Variants in PFKFB1 observed in about 807,000 individuals in gnomAD.
PFKFB1 encodes 6-phosphofructo-2-kinase/fructose-2,6-bisphosphatase 1.
A neutral mutation model predicts 46.4 loss-of-function variants in PFKFB1; 34 were observed. That is an observed-to-expected ratio of 0.73 (90% confidence interval 0.56 to 0.98). The LOEUF is 0.98. Among genes scored for constraint, PFKFB1 ranks in the 50% least tolerant of loss-of-function variants. The pLI is 0.00. For missense variants in PFKFB1, 393 were observed against 376.3 expected (o/e 1.04, Z -0.37); for synonymous variants, 119 against 133.8 (o/e 0.89, Z 0.76).
intron 1 of PFKFB1, among the ~76,000 whole-genome samples, chrX:54,987,976 G>A (rs1935148372): frequency 9.0e-6 from 1 of 111,256 alleles, no homozygotes; most frequent in Non-Finnish European, 1.9e-5. Flanking sequence ...CATTCTAGTA[G>A]AGGTTATAGC....
chrX:54,998,493 G>A (rs1195674335), upstream of PFKFB1: 5 of 1,030,540 alleles, frequency 4.9e-6, no homozygotes, highest in Non-Finnish European at 6.6e-6. Flanking sequence ...AGGTCCAGTG[G>A]GTGGCATCAA....
At chrX:54,948,974 T>A in intron 9 of PFKFB1, 101 bp downstream of exon 9, 1 of 954,771 alleles carries the variant, frequency 1.0e-6, no homozygotes, top group Non-Finnish European at 1.5e-6. Context: ...GTTTGTTGAA[T>A]TAATTAGGCT....
intron 7 of PFKFB1, among the ~76,000 whole-genome samples, 180 bp from the exon 8 acceptor site, chrX:54,952,292 C>T (rs1934010145): frequency 8.9e-6 from 1 of 111,808 alleles, no homozygotes; most frequent in Non-Finnish European, 1.9e-5. Flanking sequence ...GGTTATTGGC[C>T]ACCCAAAGGA....
At chrX:54,998,598 T>A (rs1935389557), upstream of PFKFB1, 1 of 444,502 alleles carries the variant, frequency 2.2e-6, no homozygotes, top group Admixed American at 3.8e-5. Flanking sequence ...AAATATCAGC[T>A]GTTGTAGTTG....
intron 1 of PFKFB1, among the ~76,000 whole-genome samples, chrX:54,991,539 CTGTGTGTGTG>C (rs59214352): frequency 1.6e-5 from 1 of 61,870 alleles, no homozygotes; most frequent in Non-Finnish European, 3.6e-5. Context: ...CTCTCTCTCT[CTGTGTGTGTG>C]TGTGTGTGTG....
At chrX:54,934,584 A>T (rs1383187182) in intron 12 of PFKFB1, among the ~76,000 whole-genome samples, 2 of 111,552 alleles carry the variant, frequency 1.8e-5, no homozygotes, top group African/African-American at 6.5e-5. Flanking sequence ...TTTCATAGCT[A>T]ATGTCCCAAG....
At chrX:54,992,306 T>G (rs762245082) in intron 1 of PFKFB1, among the ~76,000 whole-genome samples, 26 of 112,238 alleles carry the variant, frequency 2.3e-4, no homozygotes, top group Middle Eastern at 9.2e-3. Flanking sequence ...TAATTAACAA[T>G]TACTGCGTAT....
chrX:54,997,288 A>G (rs1256597183), upstream of PFKFB1, among the ~76,000 whole-genome samples: 1 of 111,926 alleles, frequency 8.9e-6, no homozygotes, highest in African/African-American at 3.3e-5. Context: ...AGAAACAGAT[A>G]AAAGAATGAA....
intron 9 of PFKFB1, among the ~76,000 whole-genome samples, chrX:54,948,473 G>T (rs1438175341): frequency 8.9e-6 from 1 of 111,734 alleles, no homozygotes; most frequent in African/African-American, 3.3e-5. Flanking sequence ...ATTGTTGTTT[G>T]GGCAGCATTT....
In PFKFB1 at chrX:54,960,874, C is replaced by A; in HGVS notation, c.267G>T (p.Lys89Asn). ...GQYRREAVSY[K>N]NYEFFLPDNM... Reference sequence around the variant, plus strand: ...TGTCTGGAAGAAAGAATTCATAGTTCTTGTAGCTCACTGCCTCTCGTCGAT... The same window carrying A: ...TGTCTGGAAGAAAGAATTCATAGTTATTGTAGCTCACTGCCTCTCGTCGAT... The change falls in exon 3 of 14, where the codon AAG becomes AAT. Residue 89 changes from lysine to asparagine, a missense_variant. By Grantham distance (94) the Lys-to-Asn change is moderately conservative. Transcript: ENST00000375006. 8.4e-7 allele frequency: 1 copy of A among 1,194,385 alleles called. No homozygotes were observed. Among genetic ancestry groups the A allele is most frequent in the Non-Finnish European group, 1.1e-6 (1 of 882,467 alleles).
upstream of PFKFB1, chrX:54,994,521 A>G: frequency 1.3e-6 from 1 of 754,448 alleles, no homozygotes; most frequent in Non-Finnish European, 1.6e-6. Context: ...TAGAATGTCA[A>G]GCTCCAACCC....
At chrX:54,993,549 A>G (rs923152941) in intron 1 of PFKFB1, among the ~76,000 whole-genome samples, 1 of 112,068 alleles carries the variant, frequency 8.9e-6, no homozygotes, top group East Asian at 2.8e-4. Flanking sequence ...GACACTTCAC[A>G]GAAGTCACCA....
chrX:54,934,900 T>C (rs1416369099), intron 12 of PFKFB1, 47 bp downstream of exon 12: 1 of 1,047,143 alleles, frequency 9.5e-7, no homozygotes, highest in East Asian at 3.0e-5. Context: ...AGGGCCATGC[T>C]CATAGCCTCT....
At chrX:54,964,299 T>A (rs1202149784) in intron 1 of PFKFB1, among the ~76,000 whole-genome samples, 1 of 110,586 alleles carries the variant, frequency 9.0e-6, no homozygotes, top group Non-Finnish European at 1.9e-5. Flanking sequence ...GCATAGAATG[T>A]CCCAGGTCCC....
chrX:54,979,121 G>C (rs1017347381), intron 1 of PFKFB1, among the ~76,000 whole-genome samples: 1 of 111,418 alleles, frequency 9.0e-6, no homozygotes, highest in Non-Finnish European at 1.9e-5. Flanking sequence ...GGTGGAAGCT[G>C]AATGAAAGGT....
At chrX:54,964,411 G>T (rs1317058100) in intron 1 of PFKFB1, among the ~76,000 whole-genome samples, 1 of 109,160 alleles carries the variant, frequency 9.2e-6, no homozygotes, top group East Asian at 2.8e-4. Context: ...TAGCACAAAG[G>T]GCGAACAAAG....
Position 54,963,259 on chromosome X carries a change from T to G in PFKFB1, c.221A>C (p.Lys74Thr). ...AACAAAGGCTTTCAGAGACATACCT[T>G]TAGTTGGTGTTCCTATCCAGTTGAG... is the stretch of plus-strand genomic sequence containing the variant. ...RYLNWIGTPT[K>T]VFNLGQYRRE... The change falls in exon 2 of 14, where the codon AAA becomes ACA. Residue 74 changes from lysine (K) to threonine (T), a missense_variant and splice_region_variant. By Grantham distance (78) the Lys-to-Thr change is moderately conservative. Transcript: ENST00000375006. 8.3e-7 allele frequency: 1 copy of G among 1,209,736 alleles called. No individual in the cohort carries two copies. Among genetic ancestry groups the G allele is most frequent in the Non-Finnish European group, 1.1e-6 (1 of 894,091 alleles).
At chrX:54,969,661 C>CA (rs1165194621) in intron 1 of PFKFB1, among the ~76,000 whole-genome samples, 1 of 111,921 alleles carries the variant, frequency 8.9e-6, no homozygotes, top group Non-Finnish European at 1.9e-5. Context: ...AGAATATTTA[C>CA]AAAAAATCTA....
chrX:54,973,528 CTGTTA>C (rs1934746109), intron 1 of PFKFB1, among the ~76,000 whole-genome samples: 1 of 111,182 alleles, frequency 9.0e-6, no homozygotes, highest in African/African-American at 3.3e-5. Context: ...CCCAGAGATT[CTGTTA>C]TGTTGTGTCT....
Sources: allele counts gnomAD v4.1 joint callset (sites outside exome capture counted in the v4.1 genomes callset), GRCh38; gene constraint gnomAD v4.1.1; transcripts MANE v1.5; gene names NCBI Gene and HGNC (gene_info 2026-07-23, HGNC 2026-07-21).